The following CHTF18 variants were observed in gnomAD, a reference collection of about 807,000 sequenced individuals.
The protein encoded by CHTF18 is chromosome transmission fidelity protein 18 homolog.
CHTF18 carries 151 observed loss-of-function variants against 113.4 expected under a neutral mutation model. The observed-to-expected ratio is 1.33, with a 90% CI of 1.17 to 1.52. CHTF18 has a LOEUF of 1.52. CHTF18 is among the 40% of genes most tolerant of loss of function. The probability of loss-of-function intolerance (pLI) is 0.00; values close to 1 mark genes in which losing one functional copy is unlikely to be tolerated. For missense variants in CHTF18, 1,982 were observed against 1,381.6 expected, an observed-to-expected ratio of 1.43 and a Z score of -6.89; for synonymous variants, 916 against 598.8, an observed-to-expected ratio of 1.53 and a Z score of -7.74.
At chr16:792,413 C>T in intron 10 of CHTF18, 26 bp from the exon 11 acceptor site, 5 of 1,560,398 alleles carry the variant, frequency 3.2e-6, no homozygotes, top group Non-Finnish European at 4.3e-6. Flanking sequence ...GGCCTGGACT[C>T]ACCGTGTCCT....
intron 15 of CHTF18, chr16:794,564 G>A: frequency 6.7e-6 from 2 of 299,398 alleles, no homozygotes; most frequent in Non-Finnish European, 1.3e-5. Context: ...GTGGAGAGCA[G>A]TGCGGTGAGG....
intron 4 of CHTF18, 117 bp downstream of exon 4, chr16:789,832 G>A (rs913046883): frequency 2.2e-6 from 3 of 1,353,372 alleles, no homozygotes; most frequent in African/African-American, 1.5e-5. Context: ...AGCCCCAGGG[G>A]TGCAGAGGGG....
In CHTF18 at chr16:788,997, A is replaced by G; in HGVS notation, c.158A>G (p.Glu53Gly). ...FTAGRPPRTF[E>G]EALARGDAAS... ...GCGGGCCGACCCCCGCGGACGTTCG[A>G]GGAGGCCCTTGCCAGAGGGGACGCG... is the stretch of plus-strand genomic sequence containing the variant. The change falls in exon 2 of 22, where the codon GAG becomes GGG. Residue 53 changes from glutamate to glycine, a missense_variant. Glu to Gly is a moderately conservative substitution (Grantham distance 98, BLOSUM62 -2). Transcript: ENST00000262315. 6.4e-7 allele frequency: 1 copy of G among 1,560,930 alleles called. No homozygotes were observed. The highest frequency in any genetic ancestry group is 8.6e-7 in the Non-Finnish European group (1 of 1,159,020).
chr16:791,834 A>T lies in CHTF18; in HGVS notation c.1105-17A>T. 6.3e-7 allele frequency: 1 copy of T among 1,590,502 alleles called. No homozygotes were observed. On this transcript the variant is annotated splice_polypyrimidine_tract_variant and intron_variant, in intron 8 of 21. Transcript: ENST00000262315. ...TAGGTGCGGTGCACACTACGCCTTCATCTACCTGGGCTGCAGGTGGCACTG... is the reference window on the plus strand; with the variant it reads ...TAGGTGCGGTGCACACTACGCCTTCTTCTACCTGGGCTGCAGGTGGCACTG...
intron 4 of CHTF18, 81 bp downstream of exon 4, chr16:789,796 A>G (rs967269401): frequency 2.8e-6 from 4 of 1,445,624 alleles, no homozygotes; most frequent in East Asian, 2.5e-5. Flanking sequence ...CACCCCTGCC[A>G]TTTGCTTAAA....
At position 797,772 on chromosome 16, in the gene CHTF18, G is replaced by C. The variant is rs371341844; in HGVS notation, c.2791+21G>C. On this transcript the variant is annotated intron_variant, in intron 21 of 21. Transcript: ENST00000262315. ...TGCAGGTGTGTGTGGGGGTGTTGTG[G>C]GGTTGTGGGGGGCCTGGGGGTTGTG... The C allele has an allele frequency of 2.7e-5, 43 of 1,608,426 alleles. No homozygotes were observed. The African/African-American group carries it at 5.6e-4, about 21-fold the overall frequency.
chr16:795,241 A>G lies in CHTF18; in HGVS notation c.2060A>G (p.His687Arg), dbSNP rs1355991076. Residue 687 changes from histidine (H) to arginine (R), a missense_variant, in exon 16 of 22, where the codon CAT (histidine) becomes CGT (arginine). Physicochemically the swap from His to Arg is conservative, Grantham distance 29 (BLOSUM62 0). Coordinates refer to ENST00000262315, the MANE Select transcript of CHTF18 (RefSeq NM_022092.3). Reference protein sequence around the residue: ...AFDDLLAGAAHHSQSFQLLRY... With the variant: ...AFDDLLAGAARHSQSFQLLRY... The stretch of plus-strand genomic sequence containing the variant: ...GATGACCTGCTGGCGGGGGCTGCTC[A>G]TCACAGCCAGAGCTTCCAGCTGCTG... The G allele has an allele frequency of 5.2e-6, 8 of 1,549,970 alleles. No individual in the cohort carries two copies. Among genetic ancestry groups the G allele is most frequent in the East Asian group, 2.4e-5 (1 of 40,956 alleles).
In CHTF18 at chr16:791,384, G is replaced by T. The variant is rs751450855; in HGVS notation, c.1104+14G>T. 3 of 1,587,618 alleles carry T rather than the reference G, an allele frequency of 1.9e-6. No individual in the cohort carries two copies. Among genetic ancestry groups the T allele is most frequent in the Admixed American group, 1.7e-5 (1 of 58,116 alleles). Reference sequence around the variant, plus strand: ...CCGAAGCAGAAGGTGAGCCCCGCTGGCTGTGCCGCCGGGAACAAGCCTGAG... The same window carrying T: ...CCGAAGCAGAAGGTGAGCCCCGCTGTCTGTGCCGCCGGGAACAAGCCTGAG... On this transcript the variant is annotated intron_variant, in intron 8 of 21. Coordinates refer to ENST00000262315, the MANE Select transcript of CHTF18 (RefSeq NM_022092.3).
intron 19 of CHTF18, 44 bp downstream of exon 19, chr16:796,905 C>A: frequency 6.4e-7 from 1 of 1,554,220 alleles, no homozygotes; most frequent in Admixed American, 1.8e-5. Context: ...TCTGGGCGTG[C>A]ACCATCCCCA....
chr16:794,562 C>T lies in CHTF18; in HGVS notation c.1950+361C>T, dbSNP rs1327558710. The T allele has an allele frequency of 2.2e-5, 7 of 312,452 alleles. No individual in the cohort carries two copies. The East Asian group carries it at 2.7e-4, about 12-fold the overall frequency. 19.4% of individuals were successfully genotyped at this position (312,452 alleles called of 1,614,324 possible). ...CTTAAGATGCACATGGGGTGGAGAGCAGTGCGGTGAGGGCTTCCTGCCGCC... is the reference window on the plus strand; with the variant it reads ...CTTAAGATGCACATGGGGTGGAGAGTAGTGCGGTGAGGGCTTCCTGCCGCC... On this transcript the variant is annotated intron_variant, in intron 15 of 21. Coordinates refer to ENST00000262315, the MANE Select transcript of CHTF18 (RefSeq NM_022092.3).
chr16:796,571 G>T, intron 18 of CHTF18, 146 bp from the exon 19 acceptor site: 2 of 954,152 alleles, frequency 2.1e-6, no homozygotes, highest in Non-Finnish European at 3.0e-6. Flanking sequence ...CTGCCGCAGG[G>T]TTGGGGTGCG....
Position 796,838 on chromosome 16 carries a change from GC to G in CHTF18, c.2581del (p.Arg861GlyfsTer2). On this transcript the variant is annotated frameshift_variant, in exon 19 of 22. Coordinates refer to ENST00000262315, the MANE Select transcript of CHTF18 (RefSeq NM_022092.3). LOFTEE classifies it high-confidence loss of function. Reference sequence around the variant, plus strand: ...GAAGATGCGGCGGGCGGAGGCTTCTGCCCGGGTAGAGAACAGCCCCCAGGTG... The same window carrying G: ...GAAGATGCGGCGGGCGGAGGCTTCTGCCGGGTAGAGAACAGCCCCCAGGTG... ...VEKMRRAEAS[A>X]RVENSPQVDG... 6.2e-7 allele frequency: 1 copy of G among 1,606,318 alleles called. No individual in the cohort carries two copies.
At chr16:789,800 G>GA in intron 4 of CHTF18, 85 bp downstream of exon 4, 1 of 1,437,096 alleles carries the variant, frequency 7.0e-7, no homozygotes, top group Non-Finnish European at 9.2e-7. Context: ...CCTGCCATTT[G>GA]CTTAAAGCGG....
In CHTF18 at chr16:792,531, A is replaced by G. The variant is rs1382740953; in HGVS notation, c.1419A>G (p.Arg473=). 1.3e-6 allele frequency: 2 copies of G among 1,596,588 alleles called. No homozygotes were observed. The highest frequency in any genetic ancestry group is 1.7e-6 in the Non-Finnish European group (2 of 1,174,996). Residue 473 remains arginine (R), a synonymous_variant, in exon 11 of 22, where the codon CGA becomes CGG. Coordinates refer to ENST00000262315, the MANE Select transcript of CHTF18 (RefSeq NM_022092.3). ...CGGCTGTGCCTTCGGGAGGCGGCCGACGGCGCCGGGCAGAGGGGGGGCTCC... is the reference window on the plus strand; with the variant it reads ...CGGCTGTGCCTTCGGGAGGCGGCCGGCGGCGCCGGGCAGAGGGGGGGCTCC... The part of the protein sequence containing the change: ...QGPAVPSGGG[R]RRRAEGGLLM...
chr16:790,539 A>T lies in CHTF18; in HGVS notation c.767A>T (p.Glu256Val). 1.3e-6 allele frequency: 2 copies of T among 1,598,120 alleles called. No individual in the cohort carries two copies. Among genetic ancestry groups the T allele is most frequent in the South Asian group, 1.1e-5 (1 of 88,574 alleles). ...SDTLHSLRSG[E>V]EEAAQPLGAP... is the part of the protein sequence containing the mutation. ...GTCCTCTCCAGTCTCAGGTCGGGGGAGGAGGAGGCAGCCCAGCCCTTGGGG... is the reference window on the plus strand; with the variant it reads ...GTCCTCTCCAGTCTCAGGTCGGGGGTGGAGGAGGCAGCCCAGCCCTTGGGG... The change falls in exon 7 of 22, where the codon GAG becomes GTG. Residue 256 changes from glutamate to valine, a missense_variant. Glu to Val is a moderately radical substitution (Grantham distance 121, BLOSUM62 -2). Coordinates refer to ENST00000262315, the MANE Select transcript of CHTF18 (RefSeq NM_022092.3).
chr16:791,373 G>C lies in CHTF18; in HGVS notation c.1104+3G>C, dbSNP rs752931732. 3 of 1,596,464 alleles carry C rather than the reference G, an allele frequency of 1.9e-6. No individual in the cohort carries two copies. The East Asian group carries it at 6.7e-5, about 36-fold the overall frequency. On this transcript the variant is annotated splice_donor_region_variant and intron_variant, in intron 8 of 21. Coordinates refer to ENST00000262315, the MANE Select transcript of CHTF18 (RefSeq NM_022092.3). ...CGAGCCAGCGACCGAAGCAGAAGGTGAGCCCCGCTGGCTGTGCCGCCGGGA... is the reference window on the plus strand; with the variant it reads ...CGAGCCAGCGACCGAAGCAGAAGGTCAGCCCCGCTGGCTGTGCCGCCGGGA...
intron 7 of CHTF18, 102 bp downstream of exon 7, chr16:790,768 G>A: frequency 2.1e-6 from 3 of 1,440,872 alleles, no homozygotes; most frequent in Non-Finnish European, 2.7e-6. Flanking sequence ...CTGGGCCTCG[G>A]AGACGGAGTG....
At chr16:794,872 G>A (rs2042294714) in intron 15 of CHTF18, 4 of 473,814 alleles carry the variant, frequency 8.4e-6, no homozygotes, top group Non-Finnish European at 1.4e-5. Context: ...GTCAGTCTCT[G>A]TCAAGTCAGT....
intron 8 of CHTF18, 144 bp from the exon 9 acceptor site, chr16:791,707 G>A (rs2042200970): frequency 4.2e-6 from 6 of 1,435,908 alleles, no homozygotes; most frequent in Non-Finnish European, 3.6e-6. Context: ...GTGTGAAAGT[G>A]CTCAATTTTG....
Sources: gnomAD v4.1 joint callset for allele counts on GRCh38, gnomAD v4.1.1 for gene constraint, MANE v1.5 for transcripts, NCBI Gene and HGNC (gene_info 2026-07-23, HGNC 2026-07-21) for gene names.